SPSB2: variants seen among roughly 807,000 people sequenced by gnomAD.
SPSB2 encodes SPRY domain-containing SOCS box protein 2.
A neutral mutation model predicts 19.2 loss-of-function variants in SPSB2; 25 were observed. The ratio of observed to expected loss-of-function variants is 1.30; its 90% CI spans 0.95 to 1.82. SPSB2 has a LOEUF of 1.82. SPSB2 is among the 40% of genes most tolerant of loss of function. The probability of loss-of-function intolerance (pLI) is 0.00; values close to 1 mark genes in which losing one functional copy is unlikely to be tolerated. For synonymous variants in SPSB2, 153 were observed against 154.9 expected, an observed-to-expected ratio of 0.99 and a Z score of 0.09; for missense variants, 413 against 344.9, an observed-to-expected ratio of 1.20 and a Z score of -1.56.
In SPSB2 at chr12:6,873,013, C is replaced by T. The variant is rs11064438; in HGVS notation, c.-96-16G>A. The T allele has an allele frequency of 0.043, 32,205 of 740,864 alleles. 3,924 individuals carry two copies. The highest frequency in any genetic ancestry group is 0.3 in the East Asian group (10,847 of 36,520). The allele number at this position is 740,864 out of a possible 1,614,324, so 45.9% of individuals were successfully genotyped here. The stretch of plus-strand genomic sequence containing the variant: ...TGGAAGGGAGCTGGGAGAAAAGGGG[C>T]GTGAAGAGCAGAATCCTGGCGGGGG... On this transcript the variant is annotated splice_polypyrimidine_tract_variant and intron_variant, in intron 1 of 2. Transcript: ENST00000524270.
chr12:6,871,820 GCA>G (rs1944600699), intron 2 of SPSB2: 2 of 492,686 alleles, frequency 4.1e-6, no homozygotes, highest in East Asian at 7.1e-5. Flanking sequence ...TAGGTATGTG[GCA>G]CAGAGACAGG....
At position 6,872,500 on chromosome 12, in the gene SPSB2, G is replaced by A; in HGVS notation, c.402C>T (p.Asp134=). 1.2e-6 allele frequency: 2 copies of A among 1,612,802 alleles called. No individual in the cohort carries two copies. Among genetic ancestry groups the A allele is most frequent in the Non-Finnish European group, 1.7e-6 (2 of 1,179,866 alleles). Residue 134 remains aspartate, a synonymous_variant, in exon 2 of 3, where the codon GAC becomes GAT. Transcript: ENST00000524270. ...GATGGTACAGCTTCCCCCGCCCGATGTCCCAGCCCCACGACTCGCTGTTGC... is the reference window on the plus strand; with the variant it reads ...GATGGTACAGCTTCCCCCGCCCGATATCCCAGCCCCACGACTCGCTGTTGC... The part of the protein sequence containing the change: ...LGSNSESWGW[D]IGRGKLYHQS...
chr12:6,871,584 C>T (rs1944595273), intron 2 of SPSB2: 2 of 533,740 alleles, frequency 3.7e-6, no homozygotes, highest in Admixed American at 3.5e-5. Context: ...CTGGCCCAGG[C>T]TTTGACTCCA....
rs782676246 is a variant in SPSB2, at chr12:6,872,309, G to C, written c.593C>G (p.Thr198Ser). 1.2e-6 allele frequency: 2 copies of C among 1,614,150 alleles called. No individual in the cohort carries two copies. The highest frequency in any genetic ancestry group is 2.7e-5 in the African/African-American group (2 of 75,046). ...GPAFRGLKGR[T>S]LYPAVSAVWG... ...GACAGCGCTTACTGCCGGATAGAGG[G>C]TCCTGCCCTTCAGTCCGCGGAATGC... The change falls in exon 2 of 3, where the codon ACC becomes AGC. Residue 198 changes from threonine (T) to serine (S), a missense_variant. Coordinates refer to ENST00000524270, the MANE Select transcript of SPSB2 (RefSeq NM_032641.4).
rs1944587235 is a variant in SPSB2 at position 6,871,262 on chromosome 12, T to C, written c.722A>G (p.Asp241Gly). 1 of 1,613,800 alleles carries C rather than the reference T, an allele frequency of 6.2e-7. No individual in the cohort carries two copies. The change falls in exon 3 of 3, where the codon GAT becomes GGT. Residue 241 changes from aspartate (D) to glycine (G), a missense_variant. Physicochemically the swap from Asp to Gly is moderately conservative, Grantham distance 94. Transcript: ENST00000524270. Reference protein sequence around the residue: ...SRLCVRHNLGDTRLGQVSALP... With the variant: ...SRLCVRHNLGGTRLGQVSALP... ...GGCAGACACCTGGCCGAGCCGGGTA[T>C]CCCCCAGGTTGTGGCGCACACACAG...
chr12:6,873,012 GC>G lies in SPSB2; in HGVS notation c.-96-16del. 2.7e-6 allele frequency: 2 copies of G among 743,146 alleles called. No individual in the cohort carries two copies. Among genetic ancestry groups the G allele is most frequent in the Non-Finnish European group, 2.2e-6 (1 of 461,464 alleles). 46.0% of individuals were successfully genotyped at this position (743,146 alleles called of 1,614,324 possible). ...CTGGAAGGGAGCTGGGAGAAAAGGGGCGTGAAGAGCAGAATCCTGGCGGGGG... is the reference window on the plus strand; with the variant it reads ...CTGGAAGGGAGCTGGGAGAAAAGGGGGTGAAGAGCAGAATCCTGGCGGGGG... On this transcript the variant is annotated splice_polypyrimidine_tract_variant and intron_variant, in intron 1 of 2. Coordinates refer to ENST00000524270, the MANE Select transcript of SPSB2 (RefSeq NM_032641.4).
At position 6,872,412 on chromosome 12, in the gene SPSB2, G is replaced by C. The variant is rs1555133816; in HGVS notation, c.490C>G (p.Pro164Ala). 3 of 1,614,096 alleles carry C rather than the reference G, an allele frequency of 1.9e-6. No homozygotes were observed. In the South Asian group the frequency reaches 3.3e-5, roughly 18 times the overall value. The change falls in exon 2 of 3, where the codon CCA becomes GCA. Residue 164 changes from proline (P) to alanine (A), a missense_variant. Transcript: ENST00000524270. Reference protein sequence around the residue: ...AGTQGEQLEVPERLLVVLDME... With the variant: ...AGTQGEQLEVAERLLVVLDME... ...TCCAGAACCACCAGCAGTCTCTCTG[G>C]CACCTCCAGCTGCTCACCCTGAGTT...
In SPSB2 at chr12:6,872,606, T is replaced by G. The variant is rs1565541071; in HGVS notation, c.296A>C (p.Gln99Pro). The G allele has an allele frequency of 6.2e-7, 1 of 1,609,130 alleles. No homozygotes were observed. The highest frequency in any genetic ancestry group is 1.3e-5 in the African/African-American group (1 of 75,060). ...GCCCACCACGGCATGCGTGCCCCTCTGCTCTAGGGGCCAGCTGATCTCCCA... is the reference window on the plus strand; with the variant it reads ...GCCCACCACGGCATGCGTGCCCCTCGGCTCTAGGGGCCAGCTGATCTCCCA... ...HAWEISWPLEQRGTHAVVGVA... is the reference protein window; with the variant it reads ...HAWEISWPLEPRGTHAVVGVA... Residue 99 changes from glutamine (Q) to proline (P), a missense_variant, in exon 2 of 3, where the codon CAG becomes CCG. Gln to Pro is a moderately conservative substitution (Grantham distance 76). Transcript: ENST00000524270.
rs1944582142 is a variant in SPSB2 at position 6,871,119 on chromosome 12, A to C, written c.*73T>G. The C allele has an allele frequency of 6.5e-7, 1 of 1,538,850 alleles. No individual in the cohort carries two copies. The highest frequency in any genetic ancestry group is 8.8e-7 in the Non-Finnish European group (1 of 1,137,888). On this transcript the variant is annotated 3_prime_UTR_variant, in exon 3 of 3. Coordinates refer to ENST00000524270, the MANE Select transcript of SPSB2 (RefSeq NM_032641.4). ...CAGCTTTCAGCAGCTGGTCTAGGCC[A>C]GCAGTGCCTCCCCACCTCCCCAAGG...
chr12:6,871,331 A>C lies in SPSB2; in HGVS notation c.665-12T>G, dbSNP rs782646050. 1 of 1,595,024 alleles carries C rather than the reference A, an allele frequency of 6.3e-7. No homozygotes were observed. Among genetic ancestry groups the C allele is most frequent in the Admixed American group, 1.7e-5 (1 of 59,162 alleles). On this transcript the variant is annotated splice_polypyrimidine_tract_variant and intron_variant, in intron 2 of 2. Transcript: ENST00000524270. ...GGAGTGTGGCTCCGCTGGGAGAGAG[A>C]AGGAGGGGAATGTAAGTATGGGTGC...
chr12:6,872,728 C>T lies in SPSB2; in HGVS notation c.174G>A (p.Glu58=), dbSNP rs200000609. 5.0e-6 allele frequency: 8 copies of T among 1,612,776 alleles called. No individual in the cohort carries two copies. Among genetic ancestry groups the T allele is most frequent in the African/African-American group, 2.7e-5 (2 of 74,948 alleles). The change falls in exon 2 of 3, where the codon GAG becomes GAA. Residue 58 remains glutamate (E), a synonymous_variant. Transcript: ENST00000524270. Reference sequence around the variant, plus strand: ...CAAAGTACAACCCTCCTTCCTTGACCTCGATGTTCTCTGAACAGTCTTTGG... The same window carrying T: ...CAAAGTACAACCCTCCTTCCTTGACTTCGATGTTCTCTGAACAGTCTTTGG... ...WNPKDCSENI[E]VKEGGLYFER...
At chr12:6,872,124 G>A (rs782665614) in intron 2 of SPSB2, 114 bp downstream of exon 2, 54 of 1,612,732 alleles carry the variant, frequency 3.3e-5, no homozygotes, top group South Asian at 4.4e-5. Context: ...CTGAACAGAG[G>A]TTGAGGCAGG....
Position 6,872,572 on chromosome 12 carries a change from C to T in SPSB2, c.330G>A (p.Thr110=). The stretch of plus-strand genomic sequence containing the variant: ...GGTCAGTCTGCAGCGGGGCGAGGGC[C>T]GTGGCCACGCCCACCACGGCATGCG... ...RGTHAVVGVA[T]ALAPLQTDHY... is the part of the protein sequence containing the mutation. The change falls in exon 2 of 3, where the codon ACG becomes ACA. Residue 110 remains threonine, a synonymous_variant. Coordinates refer to ENST00000524270, the MANE Select transcript of SPSB2 (RefSeq NM_032641.4). The T allele has an allele frequency of 6.2e-7, 1 of 1,608,378 alleles. No homozygotes were observed. The highest frequency in any genetic ancestry group is 8.5e-7 in the Non-Finnish European group (1 of 1,178,946).
intron 2 of SPSB2, 182 bp from the exon 3 acceptor site, chr12:6,871,501 G>T: frequency 1.5e-6 from 1 of 674,498 alleles, no homozygotes; most frequent in Non-Finnish European, 2.5e-6. Flanking sequence ...CACATCCCTA[G>T]TCAGAGCTGG....
chr12:6,871,365 G>GCCAGATGT (rs782700403), intron 2 of SPSB2, 46 bp from the exon 3 acceptor site: 54 of 1,586,000 alleles, frequency 3.4e-5, no homozygotes, highest in Non-Finnish European at 4.4e-5. Context: ...GCAGCCACCA[G>GCCAGATGT]CCAGATGTCC....
chr12:6,872,512 C>G lies in SPSB2; in HGVS notation c.390G>C (p.Ser130=). 1 of 1,612,464 alleles carries G rather than the reference C, an allele frequency of 6.2e-7. No homozygotes were observed. Among genetic ancestry groups the G allele is most frequent in the Non-Finnish European group, 8.5e-7 (1 of 1,179,888 alleles). Residue 130 remains serine (S), a synonymous_variant, in exon 2 of 3, where the codon TCG becomes TCC. Transcript: ENST00000524270. ...TCCCCCGCCCGATGTCCCAGCCCCA[C>G]GACTCGCTGTTGCTGCCCAGCAGCG... The part of the protein sequence containing the change: ...YAALLGSNSE[S]WGWDIGRGKL...
chr12:6,871,847 A>G, intron 2 of SPSB2: 1 of 596,434 alleles, frequency 1.7e-6, no homozygotes. Flanking sequence ...AGCCCAGGGA[A>G]TCCGGTATAC....
intron 1 of SPSB2, 87 bp downstream of exon 1, chr12:6,873,159 C>T: frequency 2.2e-6 from 1 of 444,480 alleles, no homozygotes; most frequent in Non-Finnish European, 4.0e-6. Context: ...TCCAGGTCGC[C>T]AGAGACTCTC....
At position 6,870,982 on chromosome 12, in the gene SPSB2, C is replaced by T. The variant is rs1170429943; in HGVS notation, c.*210G>A. The T allele has an allele frequency of 1.7e-5, 12 of 688,346 alleles. No individual in the cohort carries two copies. The highest frequency in any genetic ancestry group is 4.7e-5 in the South Asian group (3 of 63,982). The allele number at this position is 688,346 out of a possible 1,614,324, so 42.6% of individuals were successfully genotyped here. ...TATTTTTACTTGAAAAAATGTTTTG[C>T]GTAGCAGACTGTCATAGCCTTGAAC... is the stretch of plus-strand genomic sequence containing the variant. On this transcript the variant is annotated 3_prime_UTR_variant, in exon 3 of 3. Coordinates refer to ENST00000524270, the MANE Select transcript of SPSB2 (RefSeq NM_032641.4).
Sources: allele counts gnomAD v4.1 joint callset, GRCh38; gene constraint gnomAD v4.1.1; transcripts MANE v1.5; gene names NCBI Gene and HGNC (gene_info 2026-07-23, HGNC 2026-07-21).